Variants in ZKSCAN3 observed in about 807,000 individuals in gnomAD.
ZKSCAN3 encodes zinc finger with KRAB and SCAN domains 3.
ZKSCAN3 carries 21 observed loss-of-function variants against 30.7 expected under a neutral mutation model. That is an observed-to-expected ratio of 0.68 (90% CI 0.49 to 0.99). The LOEUF (loss-of-function observed/expected upper bound fraction) is 0.99. Among genes scored for constraint, ZKSCAN3 ranks in the 50% least tolerant of loss-of-function variants. The pLI, the probability that ZKSCAN3 is intolerant of heterozygous loss-of-function variation, is 0.00. For synonymous variants in ZKSCAN3, 201 were observed against 246.7 expected, an observed-to-expected ratio of 0.81 and a Z score of 1.73; for missense variants, 507 against 647.1, an observed-to-expected ratio of 0.78 and a Z score of 2.35.
intron 3 of ZKSCAN3, among the ~76,000 whole-genome samples, chr6:28,362,386 C>T (rs1462196120): frequency 6.6e-6 from 1 of 152,200 alleles, no homozygotes; most frequent in Non-Finnish European, 1.5e-5. Flanking sequence ...AATCCTGGGT[C>T]TGTTATTAAA....
At chr6:28,354,114 G>C (rs1765259132) in intron 1 of ZKSCAN3, 1 of 365,074 alleles carries the variant, frequency 2.7e-6, no homozygotes, top group African/African-American at 2.1e-5. Flanking sequence ...TGGCATGCTT[G>C]TTAATTCCTG....
chr6:28,355,524 T>A (rs1454589980), intron 1 of ZKSCAN3: 1 of 152,218 alleles, frequency 6.6e-6, no homozygotes, highest in Non-Finnish European at 1.5e-5. Context: ...GTCAAAACTA[T>A]CTGGTCACAT....
chr6:28,350,554 G>T (rs35744819), intron 1 of ZKSCAN3, among the ~76,000 whole-genome samples: 7,429 of 152,212 alleles, frequency 0.049, 308 homozygotes, highest in Non-Finnish European at 0.087. Flanking sequence ...GTAAAATGGG[G>T]ATAATATTCC....
Position 28,359,984 on chromosome 6 carries a change from C to T in ZKSCAN3, c.398C>T (p.Pro133Leu). The T allele has an allele frequency of 6.2e-7, 1 of 1,614,158 alleles. No individual in the cohort carries two copies. Among genetic ancestry groups the T allele is most frequent in the South Asian group, 1.1e-5 (1 of 91,082 alleles). The change falls in exon 2 of 6, where the codon CCG becomes CTG. Residue 133 changes from proline to leucine, a missense_variant. Physicochemically the swap from Pro to Leu is moderately conservative, Grantham distance 98 (BLOSUM62 -3). Transcript: ENST00000252211. ...YLERQLDEPAPQVSGVDQGQE... is the reference protein window; with the variant it reads ...YLERQLDEPALQVSGVDQGQE... ...GAGAGGCAGCTGGATGAGCCGGCGC[C>T]GCAGGTAGAAAGAACAGGTTTAGTA...
In ZKSCAN3 at chr6:28,363,747, A is replaced by G. The variant is rs780369343; in HGVS notation, c.689A>G (p.Gln230Arg). Residue 230 changes from glutamine to arginine, a missense_variant, in exon 5 of 6, where the codon CAG (glutamine) becomes CGG (arginine). Gln to Arg is a conservative substitution (Grantham distance 43). Coordinates refer to ENST00000252211, the MANE Select transcript of ZKSCAN3 (RefSeq NM_024493.4). ...ACCCTCACCCCTGAATGGACACAGC[A>G]GGATTCATCTCAGGGGAATCTCTGT... The part of the protein sequence containing the change: ...ALTLTPEWTQ[Q>R]DSSQGNLCRD... The G allele has an allele frequency of 6.2e-7, 1 of 1,614,104 alleles. No individual in the cohort carries two copies. The highest frequency in any genetic ancestry group is 8.5e-7 in the Non-Finnish European group (1 of 1,179,962).
Position 28,368,761 on chromosome 6 carries a change from A to G in ZKSCAN3, c.*2476A>G, listed in dbSNP as rs146204939. On this transcript the variant is annotated 3_prime_UTR_variant, in exon 6 of 6. Transcript: ENST00000252211. ...TGGGAGAAGCCTTATGAGTGTGACA[A>G]CTGTGGAAAGACAGTTCCTTTTTTG... is the stretch of plus-strand genomic sequence containing the variant. 7.8e-3 allele frequency: 1,207 copies of G among 155,446 alleles called. 9 individuals carry two copies. The highest frequency in any genetic ancestry group is 0.014 in the African/African-American group (602 of 41,644). The allele number at this position is 155,446 out of a possible 1,614,324, so 9.6% of individuals were successfully genotyped here. A position where few individuals can be genotyped will look rare whatever the true frequency, so the allele number is the denominator to read the frequency against.
At position 28,366,203 on chromosome 6, in the gene ZKSCAN3, C is replaced by G. The variant is rs1238486432; in HGVS notation, c.1535C>G (p.Ala512Gly). Residue 512 changes from alanine to glycine, a missense_variant, in exon 6 of 6, where the codon GCG becomes GGG. Physicochemically the swap from Ala to Gly is moderately conservative, Grantham distance 60 (BLOSUM62 0). Coordinates refer to ENST00000252211, the MANE Select transcript of ZKSCAN3 (RefSeq NM_024493.4). ...HTGEKPYQCN[A>G]CGKGFTRISY... The stretch of plus-strand genomic sequence containing the variant: ...GGTGAGAAACCCTATCAGTGTAATG[C>G]GTGTGGAAAAGGCTTCACCCGAATT... 1.3e-6 allele frequency: 2 copies of G among 1,588,154 alleles called. No homozygotes were observed. The highest frequency in any genetic ancestry group is 1.4e-5 in the African/African-American group (1 of 73,454).
chr6:28,359,059 A>G (rs1765616248), intron 1 of ZKSCAN3, among the ~76,000 whole-genome samples: 1 of 152,108 alleles, frequency 6.6e-6, no homozygotes, highest in African/African-American at 2.4e-5. Flanking sequence ...AGAGGAATCT[A>G]CTTATGAGGT....
chr6:28,361,582 C>T (rs1765772846), intron 3 of ZKSCAN3, 111 bp downstream of exon 3: 1 of 1,266,200 alleles, frequency 7.9e-7, no homozygotes, highest in Admixed American at 2.7e-5. Context: ...CACAGATCAA[C>T]TCTCATTTAA....
chr6:28,364,762 C>G (rs1765891935), intron 5 of ZKSCAN3, among the ~76,000 whole-genome samples: 1 of 152,144 alleles, frequency 6.6e-6, no homozygotes, highest in African/African-American at 2.4e-5. Flanking sequence ...GAGTCTCACT[C>G]TGTCGCCCAG....
chr6:28,365,023 C>A (rs1765903012), intron 5 of ZKSCAN3, among the ~76,000 whole-genome samples: 1 of 152,218 alleles, frequency 6.6e-6, no homozygotes, highest in Non-Finnish European at 1.5e-5. Context: ...AGAAATCCTT[C>A]CACATGCTCC....
intron 1 of ZKSCAN3, among the ~76,000 whole-genome samples, chr6:28,354,721 C>G (rs1212501075): frequency 6.6e-6 from 1 of 152,212 alleles, no homozygotes; most frequent in Non-Finnish European, 1.5e-5. Context: ...GCTTCCCTAC[C>G]TTTAGGGTGT....
In ZKSCAN3 at chr6:28,365,462, C is replaced by T. The variant is rs756679493; in HGVS notation, c.794C>T (p.Pro265Leu). Residue 265 changes from proline (P) to leucine (L), a missense_variant, in exon 6 of 6, where the codon CCA (proline) becomes CTA (leucine). Physicochemically the swap from Pro to Leu is moderately conservative, Grantham distance 98 (BLOSUM62 -3). Coordinates refer to ENST00000252211, the MANE Select transcript of ZKSCAN3 (RefSeq NM_024493.4). ...EKQTKSRDLP[P>L]AEELPEKEHG... ...CAGACTAAGAGCAGGGACTTGCCTCCAGCTGAGGAGCTTCCAGAAAAGGAG... is the reference window on the plus strand; with the variant it reads ...CAGACTAAGAGCAGGGACTTGCCTCTAGCTGAGGAGCTTCCAGAAAAGGAG... The T allele has an allele frequency of 1.9e-6, 3 of 1,613,690 alleles. No individual in the cohort carries two copies. The highest frequency in any genetic ancestry group is 1.7e-6 in the Non-Finnish European group (2 of 1,179,788).
chr6:28,354,750 G>T (rs1053030160), intron 1 of ZKSCAN3, among the ~76,000 whole-genome samples: 1 of 152,222 alleles, frequency 6.6e-6, no homozygotes, highest in African/African-American at 2.4e-5. Context: ...GCAACAACAG[G>T]TTACTGTTTG....
intron 1 of ZKSCAN3, chr6:28,353,849 A>G (rs1240571821): frequency 4.4e-6 from 2 of 457,050 alleles, no homozygotes; most frequent in Non-Finnish European, 8.8e-6. Flanking sequence ...GCCAACATGT[A>G]TATGGTACTT....
At chr6:28,362,882 C>T (rs1765818857) in intron 3 of ZKSCAN3, among the ~76,000 whole-genome samples, 1 of 152,182 alleles carries the variant, frequency 6.6e-6, no homozygotes, top group Non-Finnish European at 1.5e-5. Context: ...CCGATTTTTC[C>T]TCCTATCTCT....
At chr6:28,358,781 G>A (rs758389016) in intron 1 of ZKSCAN3, among the ~76,000 whole-genome samples, 3 of 151,914 alleles carry the variant, frequency 2.0e-5, no homozygotes, top group Non-Finnish European at 4.4e-5. Context: ...CTTCTTGGGA[G>A]GCTGAGGCAG....
chr6:28,353,072 G>A (rs1362792567), intron 1 of ZKSCAN3, among the ~76,000 whole-genome samples: 2 of 151,166 alleles, frequency 1.3e-5, no homozygotes, highest in Non-Finnish European at 2.9e-5. Flanking sequence ...GGGTTCAAGC[G>A]ATTCTCCTGC....
At chr6:28,355,744 A>G (rs1033172086) in intron 1 of ZKSCAN3, 1 of 152,252 alleles carries the variant, frequency 6.6e-6, no homozygotes, top group Admixed American at 6.5e-5. Flanking sequence ...CTATGCATAT[A>G]TCCCTGCAGC....
Sources: gnomAD v4.1 joint callset for allele counts (sites outside exome capture counted in the v4.1 genomes callset) on GRCh38, gnomAD v4.1.1 for gene constraint, MANE v1.5 for transcripts, NCBI Gene and HGNC (gene_info 2026-07-23, HGNC 2026-07-21) for gene names.